The following SEZ6 variants were observed in gnomAD, a reference collection of about 807,000 sequenced individuals.
The protein encoded by SEZ6 is seizure related 6 homolog, also known as seizure protein 6 homolog.
In SEZ6, 53 loss-of-function variants were observed where a neutral mutation model predicts 101.0. The observed-to-expected ratio is 0.52, with a 90% CI of 0.42 to 0.66. The LOEUF (loss-of-function observed/expected upper bound fraction) is 0.66. Ranked by LOEUF, SEZ6 falls within the 30% of genes least tolerant of loss-of-function variation. The pLI is 0.00. For missense variants in SEZ6, 1,102 were observed against 1,289.4 expected (o/e 0.85, Z 2.23); for synonymous variants, 488 against 512.2 (o/e 0.95, Z 0.64).
In SEZ6 at chr17:28,959,521, G is replaced by A. The variant is rs1481939592; in HGVS notation, c.1772-49C>T. The stretch of plus-strand genomic sequence containing the variant: ...AGGGTCTTTTCAAGCTTACCATGGT[G>A]TTGCTTACCATCTGCCCGCAGGAGT... On this transcript the variant is annotated intron_variant, in intron 8 of 16. Coordinates refer to ENST00000317338, the MANE Select transcript of SEZ6 (RefSeq NM_178860.5). This position sits in a 1 kb window ranked among gnomAD's most constrained non-coding sequence, Gnocchi z 4.4. 3.8e-6 allele frequency: 6 copies of A among 1,597,282 alleles called. No homozygotes were observed. Among genetic ancestry groups the A allele is most frequent in the Non-Finnish European group, 5.1e-6 (6 of 1,173,168 alleles).
In SEZ6 at chr17:29,005,829, G is replaced by T. The variant is rs1301391099; in HGVS notation, c.41C>A (p.Ala14Glu). 13 of 1,485,560 alleles carry T rather than the reference G, an allele frequency of 8.8e-6. No individual in the cohort carries two copies. In the African/African-American group the frequency reaches 1.2e-4, roughly 13 times the overall value. The allele number at this position is 1,485,560 out of a possible 1,614,324, so 92.0% of individuals were successfully genotyped here. A position where few individuals can be genotyped will look rare whatever the true frequency, so the allele number is the denominator to read the frequency against. ...GGGTCCCTTACCGTGAGCCAGGAGC[G>T]CCAGCAGCGAGGGCAGGAGCAGCAG... ...VALLLLPSLL[A>E]LLAHGLSLEA... is the part of the protein sequence containing the mutation. Residue 14 changes from alanine to glutamate, a missense_variant, in exon 1 of 17, where the codon GCG (alanine) becomes GAG (glutamate). Transcript: ENST00000317338. The surrounding 1 kb of genome is among the most constrained non-coding windows in gnomAD (Gnocchi z 4.8).
chr17:28,960,453 CG>C, intron 7 of SEZ6, 51 bp downstream of exon 7: 1 of 1,553,864 alleles, frequency 6.4e-7, no homozygotes, highest in Non-Finnish European at 8.7e-7. Context: ...ACCCTAGGCC[CG>C]AGCCCATCCC....
intron 4 of SEZ6, among the ~76,000 whole-genome samples, chr17:28,968,007 C>T (rs974000335): frequency 2.0e-5 from 3 of 150,158 alleles, no homozygotes; most frequent in Admixed American, 2.0e-4. Context: ...TGCCTCCCCA[C>T]CCTGCCTGAG....
intron 1 of SEZ6, among the ~76,000 whole-genome samples, chr17:28,985,400 G>A (rs1009425847): frequency 1.3e-5 from 2 of 152,186 alleles, no homozygotes; most frequent in Non-Finnish European, 1.5e-5. Context: ...AACCCAAACC[G>A]GAGACCCAAC....
chr17:28,992,284 C>T (rs1035777656), intron 1 of SEZ6, among the ~76,000 whole-genome samples: 1 of 152,184 alleles, frequency 6.6e-6, no homozygotes, highest in African/African-American at 2.4e-5. Context: ...GAGTTTGAAC[C>T]GAGTCTGCCT....
Position 28,959,613 on chromosome 17 carries a change from C to G in SEZ6, c.1771+85G>C, listed in dbSNP as rs891046333. 1 of 1,529,376 alleles carries G rather than the reference C, an allele frequency of 6.5e-7. No individual in the cohort carries two copies. Among genetic ancestry groups the G allele is most frequent in the Admixed American group, 1.9e-5 (1 of 52,684 alleles). The allele number at this position is 1,529,376 out of a possible 1,614,324, so 94.7% of individuals were successfully genotyped here. On this transcript the variant is annotated intron_variant, in intron 8 of 16. Coordinates refer to ENST00000317338, the MANE Select transcript of SEZ6 (RefSeq NM_178860.5). This position sits in a 1 kb window ranked among gnomAD's most constrained non-coding sequence, Gnocchi z 4.4. The stretch of plus-strand genomic sequence containing the variant: ...AGCCTGAACCACGCATATCACAGGG[C>G]CCCTGTGGCCCCGGGCTCTGCTGCT...
Position 29,005,848 on chromosome 17 carries a change from G to A in SEZ6, c.22C>T (p.Leu8Phe), listed in dbSNP as rs1430130433. 2.7e-6 allele frequency: 4 copies of A among 1,482,904 alleles called. No homozygotes were observed. Among genetic ancestry groups the A allele is most frequent in the East Asian group, 2.8e-5 (1 of 35,342 alleles). The allele number at this position is 1,482,904 out of a possible 1,614,324, so 91.9% of individuals were successfully genotyped here. The change falls in exon 1 of 17, where the codon CTC becomes TTC. Residue 8 changes from leucine (L) to phenylalanine (F), a missense_variant. Leu to Phe is a conservative substitution (Grantham distance 22, BLOSUM62 0). This residue lies in a region of SEZ6 where 406 missense variants were observed against 418.6 expected (regional missense o/e 0.97). Transcript: ENST00000317338. This position sits in a 1 kb window ranked among gnomAD's most constrained non-coding sequence, Gnocchi z 4.8. MRPVALLLLPSLLALLAH... is the reference protein window; with the variant it reads MRPVALLFLPSLLALLAH... Reference sequence around the variant, plus strand: ...AGGAGCGCCAGCAGCGAGGGCAGGAGCAGCAGGGCTACCGGGCGCATGGTG... The same window carrying A: ...AGGAGCGCCAGCAGCGAGGGCAGGAACAGCAGGGCTACCGGGCGCATGGTG...
At chr17:28,979,536 G>A in intron 3 of SEZ6, 144 bp downstream of exon 3, 1 of 1,218,742 alleles carries the variant, frequency 8.2e-7, no homozygotes, top group Non-Finnish European at 1.2e-6. Flanking sequence ...TAACCATTTA[G>A]GCCCATCTCC....
intron 1 of SEZ6, among the ~76,000 whole-genome samples, chr17:28,992,390 A>G (rs780233305): frequency 1.3e-4 from 20 of 151,966 alleles, no homozygotes; most frequent in Non-Finnish European, 2.5e-4. Context: ...ACGTGTGTGC[A>G]TGAGACCGGG....
chr17:28,985,254 G>A (rs553631267), intron 1 of SEZ6, among the ~76,000 whole-genome samples: 5 of 152,304 alleles, frequency 3.3e-5, no homozygotes, highest in Admixed American at 2.6e-4. Context: ...AAGATCTCAC[G>A]CCATTTAGAA....
At chr17:28,971,346 A>C (rs546607093) in intron 3 of SEZ6, among the ~76,000 whole-genome samples, 2 of 152,272 alleles carry the variant, frequency 1.3e-5, no homozygotes, top group Admixed American at 1.3e-4. Flanking sequence ...TAATCCCAGC[A>C]CTTTGGGAGG....
Position 28,955,192 on chromosome 17 carries a change from A to G in SEZ6, c.*770T>C, listed in dbSNP as rs1598173894. The G allele has an allele frequency of 6.2e-6, 1 of 161,352 alleles. No homozygotes were observed. The highest frequency in any genetic ancestry group is 5.9e-5 in the Admixed American group (1 of 16,840). 10.0% of individuals were successfully genotyped at this position (161,352 alleles called of 1,614,324 possible). On this transcript the variant is annotated 3_prime_UTR_variant, in exon 17 of 17. Coordinates refer to ENST00000317338, the MANE Select transcript of SEZ6 (RefSeq NM_178860.5). Reference sequence around the variant, plus strand: ...GAGCCTGACAAGTGGCTGGAATTGGAGGAGGGACTATTAGGGTGAAGATGT... The same window carrying G: ...GAGCCTGACAAGTGGCTGGAATTGGGGGAGGGACTATTAGGGTGAAGATGT...
At chr17:28,996,621 C>T (rs2041546988) in intron 1 of SEZ6, among the ~76,000 whole-genome samples, 1 of 152,040 alleles carries the variant, frequency 6.6e-6, no homozygotes, top group South Asian at 2.1e-4. Context: ...TACCTTACAC[C>T]CAGGCCACAG....
intron 4 of SEZ6, among the ~76,000 whole-genome samples, chr17:28,965,744 G>A (rs1392101161): frequency 6.6e-6 from 1 of 152,154 alleles, no homozygotes; most frequent in East Asian, 1.9e-4. Context: ...TGGGAAAGCT[G>A]GTAGCTTTGG....
chr17:28,977,583 A>C (rs1460437302), intron 3 of SEZ6, among the ~76,000 whole-genome samples: 1 of 152,182 alleles, frequency 6.6e-6, no homozygotes, highest in African/African-American at 2.4e-5. Flanking sequence ...AGGGGTGGGC[A>C]TCCAGCATGG....
chr17:28,997,718 G>T (rs997414624), intron 1 of SEZ6, among the ~76,000 whole-genome samples: 2 of 151,538 alleles, frequency 1.3e-5, no homozygotes, highest in Non-Finnish European at 2.9e-5. Flanking sequence ...CCCCCACCCC[G>T]ATTTCCTTTG....
At chr17:28,969,546 AG>A (rs907496086) in intron 4 of SEZ6, among the ~76,000 whole-genome samples, 1 of 152,194 alleles carries the variant, frequency 6.6e-6, no homozygotes, top group Admixed American at 6.5e-5. Flanking sequence ...AGCTCTCTGC[AG>A]GGTGGTGGGT....
chr17:28,977,821 C>T (rs913743335), intron 3 of SEZ6, among the ~76,000 whole-genome samples: 2 of 152,248 alleles, frequency 1.3e-5, no homozygotes, highest in Non-Finnish European at 2.9e-5. Context: ...CAGTGAGCCA[C>T]AGCCGGTGCC....
intron 11 of SEZ6, 40 bp from the exon 12 acceptor site, chr17:28,957,579 A>G (rs779942936): frequency 1.3e-6 from 2 of 1,578,746 alleles, no homozygotes; most frequent in East Asian, 4.6e-5. Flanking sequence ...GCCCAAGGAG[A>G]ACTAAGCAGA....
Sources: gnomAD v4.1 joint callset for allele counts (sites outside exome capture counted in the v4.1 genomes callset) on GRCh38, gnomAD v4.1.1 for gene constraint, gnomAD v4.1.1 regional missense constraint, Gnocchi (gnomAD v3.1) non-coding constraint, MANE v1.5 for transcripts, NCBI Gene and HGNC (gene_info 2026-07-23, HGNC 2026-07-21) for gene names.